Variants in ALS2 observed in about 807,000 individuals in gnomAD.
ALS2 encodes the protein alsin Rho guanine nucleotide exchange factor ALS2, also known as alsin.
Under a neutral mutation model 203.4 loss-of-function variants are expected in ALS2, and 117 were observed. The ratio of observed to expected loss-of-function variants is 0.58; its 90% CI spans 0.50 to 0.67. ALS2 has a LOEUF of 0.67. Among genes scored for constraint, ALS2 ranks in the 30% least tolerant of loss-of-function variants. The probability of loss-of-function intolerance (pLI) is 0.00; values close to 1 mark genes in which losing one functional copy is unlikely to be tolerated. For missense variants in ALS2, 1,715 were observed against 1,989.4 expected, an observed-to-expected ratio of 0.86 and a Z score of 2.62; for synonymous variants, 718 against 725.9, an observed-to-expected ratio of 0.99 and a Z score of 0.17.
chr2:201,700,739 T>C lies in ALS2; in HGVS notation c.*1112A>G, dbSNP rs1303220971. 1 of 152,620 alleles carries C rather than the reference T, an allele frequency of 6.6e-6. No individual in the cohort carries two copies. Among genetic ancestry groups the C allele is most frequent in the Non-Finnish European group, 1.5e-5 (1 of 68,032 alleles). 9.5% of individuals were successfully genotyped at this position (152,620 alleles called of 1,614,324 possible). On this transcript the variant is annotated 3_prime_UTR_variant, in exon 34 of 34. Transcript: ENST00000264276. ...GACACTCTGTATGCTCACCACGGTG[T>C]AGGAGATGAGATGAGGAAGAGCACC...
rs375516232 is a variant in ALS2 at position 201,729,118 on chromosome 2, G to A, written c.2646C>T (p.Leu882=). The A allele has an allele frequency of 3.7e-5, 60 of 1,613,712 alleles. No individual in the cohort carries two copies. The African/African-American group carries it at 6.3e-4, about 17-fold the overall frequency. The part of the protein sequence containing the change: ...SSCYECLALH[L]GRKRKEAEYT... Reference sequence around the variant, plus strand: ...ATTCTGCTTCCTTCCTTTTCCTGCCGAGATGGAGAGCAAGACACTCATAAC... The same window carrying A: ...ATTCTGCTTCCTTCCTTTTCCTGCCAAGATGGAGAGCAAGACACTCATAAC... The change falls in exon 14 of 34, where the codon CTC becomes CTT. Residue 882 remains leucine, a synonymous_variant. Transcript: ENST00000264276.
chr2:201,744,447 A>G lies in ALS2; in HGVS notation c.1999-18T>C, dbSNP rs755495157. 1 of 1,610,664 alleles carries G rather than the reference A, an allele frequency of 6.2e-7. No homozygotes were observed. The highest frequency in any genetic ancestry group is 2.2e-5 in the East Asian group (1 of 44,780). On this transcript the variant is annotated intron_variant, in intron 9 of 33. Transcript: ENST00000264276. ...TATCCAAGCTGAAACAGAAGAAAAC[A>G]AAAGGATTAAATATAACATATAATT... is the stretch of plus-strand genomic sequence containing the variant.
In ALS2 at chr2:201,767,276, ACAGTCTT is replaced by A; in HGVS notation, c.121_127del (p.Lys41PhefsTer8). 1 of 1,613,988 alleles carries A rather than the reference ACAGTCTT, an allele frequency of 6.2e-7. No homozygotes were observed. On this transcript the variant is annotated frameshift_variant, in exon 3 of 34. Transcript: ENST00000264276. LOFTEE classifies it high-confidence loss of function. ...TTTCACTCCGAGGGCTGCCTGCAAAACAGTCTTTCCTCCCCAGCCTGGCAATCTCTCT... is the reference window on the plus strand; with the variant it reads ...TTTCACTCCGAGGGCTGCCTGCAAAATCCTCCCCAGCCTGGCAATCTCTCT...
At chr2:201,760,710 G>A in intron 4 of ALS2, 171 bp downstream of exon 4, 1 of 1,421,244 alleles carries the variant, frequency 7.0e-7, no homozygotes, top group Non-Finnish European at 9.2e-7. Context: ...GAGTGATTTT[G>A]AATTAATCCA....
intron 25 of ALS2, among the ~76,000 whole-genome samples, chr2:201,714,277 A>AAGCCCC (rs1690225430): frequency 6.6e-6 from 1 of 152,206 alleles, no homozygotes; most frequent in Non-Finnish European, 1.5e-5. Flanking sequence ...GCTTTCCTGT[A>AAGCCCC]AGCTGGGACT....
Position 201,744,426 on chromosome 2 carries a change from C to T in ALS2, c.2002G>A (p.Gly668Arg). 1.9e-6 allele frequency: 3 copies of T among 1,613,686 alleles called. No homozygotes were observed. The highest frequency in any genetic ancestry group is 2.5e-6 in the Non-Finnish European group (3 of 1,179,818). ...CCTGCTGTCACTCTGCTTATATATCCAAGCTGAAACAGAAGAAAACAAAAG... is the reference window on the plus strand; with the variant it reads ...CCTGCTGTCACTCTGCTTATATATCTAAGCTGAAACAGAAGAAAACAAAAG... ...TPVLLSCSKLGYISRVTAGKD... is the reference protein window; with the variant it reads ...TPVLLSCSKLRYISRVTAGKD... The change falls in exon 10 of 34, where the codon GGA becomes AGA. Residue 668 changes from glycine to arginine, a missense_variant. Gly to Arg is a moderately radical substitution (Grantham distance 125). This residue lies in a region of ALS2 where 1,227 missense variants were observed against 1,413.5 expected (regional missense o/e 0.87). Transcript: ENST00000264276.
In ALS2 at chr2:201,704,560, T is replaced by A. The variant is rs1171249887; in HGVS notation, c.4732A>T (p.Thr1578Ser). 3 of 1,613,996 alleles carry A rather than the reference T, an allele frequency of 1.9e-6. No homozygotes were observed. Among genetic ancestry groups the A allele is most frequent in the Non-Finnish European group, 2.5e-6 (3 of 1,180,014 alleles). ...PSDKLKVIQQ[T>S]FEEISQSVLA... is the part of the protein sequence containing the mutation. ...ACACTCTGAGAGATCTCCTCAAAAGTCTGCTGGATGACCTTAAGTTTGTCT... is the reference window on the plus strand; with the variant it reads ...ACACTCTGAGAGATCTCCTCAAAAGACTGCTGGATGACCTTAAGTTTGTCT... The change falls in exon 32 of 34, where the codon ACT becomes TCT. Residue 1578 changes from threonine to serine, a missense_variant. Thr to Ser is a moderately conservative substitution (Grantham distance 58). Around this residue, in one of 3 missense-constraint regions of ALS2, gnomAD observed 1,227 missense variants for 1,413.5 expected, o/e 0.87. Transcript: ENST00000264276.
chr2:201,744,360 C>CCAT lies in ALS2; in HGVS notation c.2065_2067dup (p.Met689dup). On this transcript the variant is annotated inframe_insertion, in exon 10 of 34. Transcript: ENST00000264276. ...AACTCGTGGAGACTGGCAATATACC[C>CCAT]CATAATGTTTTTATCCACCAAGGCT... is the stretch of plus-strand genomic sequence containing the variant. The CCAT allele has an allele frequency of 1.2e-6, 2 of 1,613,954 alleles. No individual in the cohort carries two copies. The highest frequency in any genetic ancestry group is 1.7e-6 in the Non-Finnish European group (2 of 1,179,922).
chr2:201,724,863 C>T (rs1366342579), intron 20 of ALS2, among the ~76,000 whole-genome samples: 1 of 152,054 alleles, frequency 6.6e-6, no homozygotes, highest in Admixed American at 6.5e-5. Flanking sequence ...CCTGTAATCC[C>T]AGCACTTTGG....
intron 11 of ALS2, among the ~76,000 whole-genome samples, chr2:201,740,846 A>T (rs1233053729): frequency 6.6e-6 from 1 of 152,176 alleles, no homozygotes; most frequent in Non-Finnish European, 1.5e-5. Flanking sequence ...TGTTATAAAT[A>T]ATCAAAACAA....
At chr2:201,741,466 A>C (rs1171160682) in intron 11 of ALS2, 3 of 558,840 alleles carry the variant, frequency 5.4e-6, no homozygotes, top group East Asian at 3.1e-5. Flanking sequence ...AAAACATGAT[A>C]ATTCATTATT....
intron 13 of ALS2, among the ~76,000 whole-genome samples, chr2:201,732,038 T>C (rs774119658): frequency 2.6e-5 from 4 of 152,184 alleles, no homozygotes; most frequent in Non-Finnish European, 5.9e-5. Context: ...TTTTTATTAA[T>C]TGAGGCCATA....
At position 201,757,613 on chromosome 2, in the gene ALS2, T is replaced by G; in HGVS notation, c.1260A>C (p.Lys420Asn). Reference protein sequence around the residue: ...TYEAGALSLKKVMNFYSTTPC... With the variant: ...TYEAGALSLKNVMNFYSTTPC... ...GGGTTGTACTATAAAAGTTCATAAC[T>G]TTCTTCAGTGACAAGGCACCAGCTT... Residue 420 changes from lysine (K) to asparagine (N), a missense_variant, in exon 5 of 34, where the codon AAA (lysine) becomes AAC (asparagine). By Grantham distance (94) the Lys-to-Asn change is moderately conservative. Coordinates refer to ENST00000264276, the MANE Select transcript of ALS2 (RefSeq NM_020919.4). The G allele has an allele frequency of 1.2e-6, 2 of 1,614,200 alleles. No individual in the cohort carries two copies. The highest frequency in any genetic ancestry group is 1.7e-6 in the Non-Finnish European group (2 of 1,180,024).
At chr2:201,750,993 C>G (rs1693007399) in intron 7 of ALS2, among the ~76,000 whole-genome samples, 1 of 151,812 alleles carries the variant, frequency 6.6e-6, no homozygotes, top group African/African-American at 2.4e-5. Flanking sequence ...GCTAGGATTA[C>G]AGGCGCCTGT....
At chr2:201,705,357 C>T in intron 30 of ALS2, 59 bp downstream of exon 30, 1 of 1,571,582 alleles carries the variant, frequency 6.4e-7, no homozygotes, top group Non-Finnish European at 8.8e-7. Flanking sequence ...GTTTTGCTAT[C>T]TCAAATCCTT....
intron 13 of ALS2, among the ~76,000 whole-genome samples, chr2:201,729,525 T>C (rs1691413458): frequency 6.6e-6 from 1 of 152,168 alleles, no homozygotes; most frequent in Non-Finnish European, 1.5e-5. Context: ...TATCTATTGA[T>C]ATTTACCATA....
chr2:201,738,656 G>A lies in ALS2; in HGVS notation c.2417+14C>T, dbSNP rs1323560952. ...GCGGAGAGAATGATAACTGGAAGGT[G>A]TGGGTTTGCTTACATGGCAGGCTTA... On this transcript the variant is annotated intron_variant, in intron 12 of 33. Transcript: ENST00000264276. The A allele has an allele frequency of 6.2e-6, 10 of 1,610,988 alleles. No individual in the cohort carries two copies. The highest frequency in any genetic ancestry group is 1.3e-5 in the African/African-American group (1 of 74,850).
chr2:201,775,190 T>C (rs928285161), intron 1 of ALS2, among the ~76,000 whole-genome samples: 9 of 152,206 alleles, frequency 5.9e-5, no homozygotes, highest in Non-Finnish European at 8.8e-5. Context: ...GAATGGAATA[T>C]AGACATTGAG....
chr2:201,761,192 C>A lies in ALS2; in HGVS notation c.802G>T (p.Ala268Ser). Residue 268 changes from alanine (A) to serine (S), a missense_variant, in exon 4 of 34, where the codon GCA becomes TCA. Physicochemically the swap from Ala to Ser is moderately conservative, Grantham distance 99. Coordinates refer to ENST00000264276, the MANE Select transcript of ALS2 (RefSeq NM_020919.4). ...AGAGCAGTGCTGGCATGGTTTTCTG[C>A]CTGAGATTCTGTCAGTGTCACACCT... is the stretch of plus-strand genomic sequence containing the variant. Reference protein sequence around the residue: ...PLGVTLTESQAENHASTALSP... With the variant: ...PLGVTLTESQSENHASTALSP... 1 of 1,614,188 alleles carries A rather than the reference C, an allele frequency of 6.2e-7. No individual in the cohort carries two copies. Among genetic ancestry groups the A allele is most frequent in the Non-Finnish European group, 8.5e-7 (1 of 1,180,036 alleles).
Sources: allele counts gnomAD v4.1 joint callset (sites outside exome capture counted in the v4.1 genomes callset), GRCh38; gene constraint gnomAD v4.1.1; regional missense constraint gnomAD v4.1.1; transcripts MANE v1.5; gene names NCBI Gene and HGNC (gene_info 2026-07-23, HGNC 2026-07-21).